Variants in CDKL1 observed in about 807,000 individuals in gnomAD.
The protein encoded by CDKL1 is cyclin dependent kinase like 1.
A neutral mutation model predicts 42.0 loss-of-function variants in CDKL1; 41 were observed. That is an observed-to-expected ratio of 0.98 (90% CI 0.76 to 1.27). The LOEUF (loss-of-function observed/expected upper bound fraction) is 1.27, where lower values mean the gene tolerates loss of function less well. CDKL1 is among the 50% of genes most tolerant of loss of function. The probability of loss-of-function intolerance (pLI) is 0.00; values close to 1 mark genes in which losing one functional copy is unlikely to be tolerated. For missense variants in CDKL1, 394 were observed against 428.4 expected (o/e 0.92, Z 0.71); for synonymous variants, 153 against 158.6 (o/e 0.96, Z 0.26).
chr14:50,362,970 G>C (rs1034704789), intron 2 of CDKL1: 1 of 465,286 alleles, frequency 2.1e-6, no homozygotes, highest in Non-Finnish European at 4.5e-6. Context: ...CTTTGGGTCC[G>C]CACTGCTGTA....
At chr14:50,390,372 T>A (rs1415839457) in intron 2 of CDKL1, 1 of 1,363,508 alleles carries the variant, frequency 7.3e-7, no homozygotes, top group Non-Finnish European at 9.8e-7. Context: ...TTTCTGCCAC[T>A]GCTGGCAGAA....
chr14:50,385,254 G>C (rs1228887986), intron 2 of CDKL1, among the ~76,000 whole-genome samples: 1 of 152,078 alleles, frequency 6.6e-6, no homozygotes, highest in Non-Finnish European at 1.5e-5. Flanking sequence ...AAAACTGATA[G>C]TACCAATTAG....
chr14:50,359,186 T>C lies in CDKL1; in HGVS notation c.169-37A>G, dbSNP rs2034161660. The C allele has an allele frequency of 3.2e-6, 5 of 1,585,026 alleles. No individual in the cohort carries two copies. In the East Asian group the frequency reaches 1.1e-4, roughly 36 times the overall value. On this transcript the variant is annotated intron_variant, in intron 2 of 9. Coordinates refer to ENST00000395834, the MANE Select transcript of CDKL1 (RefSeq NM_004196.7). ...AAAAAACAAGTTACTAAATTTGACTTGTGAAAGACAGCTTTCTCTAATCTT... is the reference window on the plus strand; with the variant it reads ...AAAAAACAAGTTACTAAATTTGACTCGTGAAAGACAGCTTTCTCTAATCTT...
chr14:50,390,468 A>G (rs1463408510), intron 2 of CDKL1: 1 of 1,082,734 alleles, frequency 9.2e-7, no homozygotes, highest in Middle Eastern at 2.4e-4. Flanking sequence ...TAATACAATT[A>G]TTCTATTGTA....
rs944948172 is a variant in CDKL1, at chr14:50,362,882, C to A, written c.169-3733G>T. ...AGCAGGCTGCCCGACCCAGCAGTGGCAACCTACCCTGGGCACCATTCACAC... is the reference window on the plus strand; with the variant it reads ...AGCAGGCTGCCCGACCCAGCAGTGGAAACCTACCCTGGGCACCATTCACAC... On this transcript the variant is annotated intron_variant, in intron 2 of 9. Coordinates refer to ENST00000395834, the MANE Select transcript of CDKL1 (RefSeq NM_004196.7). 4 of 413,748 alleles carry A rather than the reference C, an allele frequency of 9.7e-6. No individual in the cohort carries two copies. In the East Asian group the frequency reaches 3.0e-4, roughly 31 times the overall value. 25.6% of individuals were successfully genotyped at this position (413,748 alleles called of 1,614,324 possible). A position where few individuals can be genotyped will look rare whatever the true frequency, so the allele number is the denominator to read the frequency against.
At chr14:50,339,469 A>G (rs1039920359) in intron 6 of CDKL1, among the ~76,000 whole-genome samples, 1 of 151,256 alleles carries the variant, frequency 6.6e-6, no homozygotes, top group African/African-American at 2.4e-5. Flanking sequence ...AACAGTGTCT[A>G]ACATAGAGCA....
Position 50,329,056 on chromosome 14 carries a change from TATATATACATACAC to T in CDKL1, c.*1004_*1017del, listed in dbSNP as rs1317025030. 119 of 147,818 alleles carry T rather than the reference TATATATACATACAC, an allele frequency of 8.1e-4. No homozygotes were observed. Among genetic ancestry groups the T allele is most frequent in the Non-Finnish European group, 1.1e-3 (75 of 67,414 alleles). 9.2% of individuals were successfully genotyped at this position (147,818 alleles called of 1,614,324 possible). ...AATAGCATATATATATATATATATA[TATATATACATACAC>T]ATACATACACATACAAACATAGTGC... On this transcript the variant is annotated 3_prime_UTR_variant, in exon 10 of 10. Coordinates refer to ENST00000395834, the MANE Select transcript of CDKL1 (RefSeq NM_004196.7).
intron 3 of CDKL1, among the ~76,000 whole-genome samples, chr14:50,348,703 T>C (rs1486786116): frequency 1.3e-5 from 2 of 152,214 alleles, no homozygotes; most frequent in African/African-American, 2.4e-5. Context: ...TAGTTCCTTG[T>C]TCTTAACTAT....
At chr14:50,377,543 G>C in intron 2 of CDKL1, 1 of 1,310,770 alleles carries the variant, frequency 7.6e-7, no homozygotes, top group African/African-American at 1.5e-5. Context: ...ATTGGTACCT[G>C]AAGTGGCCTT....
At chr14:50,385,512 G>C (rs1328548765) in intron 2 of CDKL1, among the ~76,000 whole-genome samples, 1 of 152,110 alleles carries the variant, frequency 6.6e-6, no homozygotes, top group Non-Finnish European at 1.5e-5. Context: ...AGACTAAAGA[G>C]TCATGGCAAT....
At chr14:50,389,166 C>T (rs1331595956) in intron 2 of CDKL1, among the ~76,000 whole-genome samples, 2 of 151,454 alleles carry the variant, frequency 1.3e-5, no homozygotes, top group African/African-American at 2.4e-5. Flanking sequence ...TAGCTCCTGT[C>T]CCCATGCCCC....
intron 4 of CDKL1, among the ~76,000 whole-genome samples, chr14:50,344,373 C>T (rs921473467): frequency 6.6e-6 from 1 of 151,968 alleles, no homozygotes; most frequent in Non-Finnish European, 1.5e-5. Context: ...TTTGGGAGTA[C>T]AAGACCACAT....
intron 2 of CDKL1, among the ~76,000 whole-genome samples, chr14:50,370,512 T>TA (rs1402428391): frequency 1.3e-5 from 2 of 152,242 alleles, no homozygotes; most frequent in Non-Finnish European, 1.5e-5. Context: ...CCTCATCCCC[T>TA]AGCCTCTGTA....
intron 2 of CDKL1, among the ~76,000 whole-genome samples, chr14:50,385,741 T>C (rs1178808415): frequency 7.0e-6 from 1 of 143,130 alleles, no homozygotes; most frequent in Non-Finnish European, 1.5e-5. Context: ...GGGGTGGAGG[T>C]TGCAGTGAGT....
At chr14:50,357,929 G>T in intron 3 of CDKL1, 1 of 544,164 alleles carries the variant, frequency 1.8e-6, no homozygotes, top group Non-Finnish European at 3.3e-6. Flanking sequence ...AATTAGGGCT[G>T]GGAGAGAGTG....
chr14:50,334,512 A>G, intron 8 of CDKL1, 53 bp downstream of exon 8: 2 of 960,326 alleles, frequency 2.1e-6, no homozygotes, highest in Admixed American at 1.9e-5. Flanking sequence ...CAGATTCCCC[A>G]GTGATGACAA....
intron 2 of CDKL1, among the ~76,000 whole-genome samples, chr14:50,374,951 A>T (rs1048410160): frequency 2.0e-5 from 3 of 152,154 alleles, no homozygotes; most frequent in Non-Finnish European, 2.9e-5. Flanking sequence ...TTGGAGGGCA[A>T]GAGGAGGGAG....
intron 6 of CDKL1, among the ~76,000 whole-genome samples, chr14:50,340,558 A>C (rs548759315): frequency 6.6e-6 from 1 of 152,228 alleles, no homozygotes; most frequent in East Asian, 1.9e-4. Context: ...AGACGGACTG[A>C]GTGACATTAC....
chr14:50,339,606 C>T (rs1183041112), intron 6 of CDKL1, among the ~76,000 whole-genome samples: 7 of 151,994 alleles, frequency 4.6e-5, no homozygotes, highest in Admixed American at 4.6e-4. Context: ...AATACATTTC[C>T]ACATTGGGAC....
Sources: gnomAD v4.1 joint callset for allele counts (sites outside exome capture counted in the v4.1 genomes callset) on GRCh38, gnomAD v4.1.1 for gene constraint, MANE v1.5 for transcripts, NCBI Gene and HGNC (gene_info 2026-07-23, HGNC 2026-07-21) for gene names.